TMEM74: variants seen among roughly 807,000 people sequenced by gnomAD.
TMEM74 encodes transmembrane protein 74.
In TMEM74, 13 loss-of-function variants were observed where a neutral mutation model predicts 18.1. The observed-to-expected ratio is 0.72, with a 90% CI of 0.47 to 1.14. TMEM74 has a LOEUF of 1.14. TMEM74 is among the 50% of genes most tolerant of loss of function. The pLI is 0.00. For missense variants in TMEM74, 372 were observed against 375.9 expected, an observed-to-expected ratio of 0.99 and a Z score of 0.09; for synonymous variants, 159 against 146.6, an observed-to-expected ratio of 1.08 and a Z score of -0.61.
At chr8:108,632,116 C>T (rs1443103976) in intron 2 of TMEM74, among the ~76,000 whole-genome samples, 2 of 151,892 alleles carry the variant, frequency 1.3e-5, no homozygotes, top group East Asian at 1.9e-4. Flanking sequence ...TAAGAATGCA[C>T]AGGAAGGACG....
At chr8:108,727,785 G>GT (rs1160707622) in intron 1 of TMEM74, among the ~76,000 whole-genome samples, 4 of 152,188 alleles carry the variant, frequency 2.6e-5, no homozygotes, top group Non-Finnish European at 5.9e-5. Flanking sequence ...GGACCAAAGA[G>GT]TAAGCCTTGG....
At chr8:108,637,523 G>T (rs1291075013) in intron 2 of TMEM74, among the ~76,000 whole-genome samples, 1 of 152,052 alleles carries the variant, frequency 6.6e-6, no homozygotes, top group Non-Finnish European at 1.5e-5. Flanking sequence ...AGAAAGGTCA[G>T]AATCAAAGGA....
At chr8:108,695,384 T>C (rs966634807) in intron 1 of TMEM74, among the ~76,000 whole-genome samples, 3 of 152,238 alleles carry the variant, frequency 2.0e-5, no homozygotes, top group Non-Finnish European at 2.9e-5. Context: ...CTTGGGTACT[T>C]ACCTTGCCTA....
intron 1 of TMEM74, among the ~76,000 whole-genome samples, chr8:108,715,901 A>G (rs1210602967): frequency 6.6e-6 from 1 of 152,116 alleles, no homozygotes; most frequent in Admixed American, 6.6e-5. Context: ...AGCAGACAAT[A>G]TAGAATTTGA....
chr8:108,743,331 T>G (rs1463551409), intron 1 of TMEM74, among the ~76,000 whole-genome samples: 1 of 152,200 alleles, frequency 6.6e-6, no homozygotes, highest in East Asian at 1.9e-4. Flanking sequence ...CTCAACTCTC[T>G]CTTTTGTATA....
chr8:108,739,536 C>T (rs896942816), intron 1 of TMEM74, among the ~76,000 whole-genome samples: 1 of 152,150 alleles, frequency 6.6e-6, no homozygotes, highest in Non-Finnish European at 1.5e-5. Context: ...TTGTTTTAAT[C>T]ATTTATTGCA....
intron 1 of TMEM74, among the ~76,000 whole-genome samples, chr8:108,748,041 T>C (rs1343908116): frequency 6.6e-6 from 1 of 152,176 alleles, no homozygotes; most frequent in Non-Finnish European, 1.5e-5. Flanking sequence ...CATCTGTCTT[T>C]ATAGTAGAAG....
intron 1 of TMEM74, among the ~76,000 whole-genome samples, chr8:108,689,226 G>A (rs148849672): frequency 1.3e-5 from 2 of 152,284 alleles, no homozygotes; most frequent in African/African-American, 4.8e-5. Context: ...AGACTAGTAG[G>A]AAAGCTATAT....
chr8:108,780,822 G>A lies in TMEM74; in HGVS notation c.*3359C>T, dbSNP rs747742513. On this transcript the variant is annotated 3_prime_UTR_variant, in exon 2 of 2. Transcript: ENST00000297459. ...TCACCTACACAGTGGGGAGCATGAC[G>A]AAAAGCTGTTCTTTATATGAGGGGC... 6.6e-6 allele frequency among the ~76,000 whole-genome samples: 1 copy of A among 152,116 alleles called. No individual in the cohort carries two copies. Among genetic ancestry groups the A allele is most frequent in the African/African-American group, 2.4e-5 (1 of 41,438 alleles).
intron 2 of TMEM74, among the ~76,000 whole-genome samples, chr8:108,651,938 C>T (rs1812778743): frequency 6.7e-6 from 1 of 148,920 alleles, no homozygotes; most frequent in Non-Finnish European, 1.5e-5. Flanking sequence ...GACCATGTGT[C>T]GCTAAAAAAA....
intron 2 of TMEM74, among the ~76,000 whole-genome samples, chr8:108,620,002 C>T (rs1812423533): frequency 6.6e-6 from 1 of 152,072 alleles, no homozygotes; most frequent in Non-Finnish European, 1.5e-5. Flanking sequence ...TCTTCTTCCT[C>T]CTCCTTCTCT....
intron 2 of TMEM74, among the ~76,000 whole-genome samples, chr8:108,614,270 C>A (rs1284897100): frequency 6.6e-6 from 1 of 151,906 alleles, no homozygotes; most frequent in Admixed American, 6.6e-5. Flanking sequence ...ATGCTTTAGC[C>A]CAAACTAAAG....
At chr8:108,687,268 C>A (rs1265533150) in intron 1 of TMEM74, among the ~76,000 whole-genome samples, 2 of 151,974 alleles carry the variant, frequency 1.3e-5, no homozygotes, top group Non-Finnish European at 2.9e-5. Context: ...ACCCAAAAGC[C>A]ATTAAAAATG....
intron 1 of TMEM74, among the ~76,000 whole-genome samples, chr8:108,755,803 C>T (rs900668093): frequency 2.0e-5 from 3 of 151,916 alleles, no homozygotes; most frequent in South Asian, 2.1e-4. Context: ...TCAGAGTAGA[C>T]ATTGGATATT....
At chr8:108,613,331 C>A (rs962379773) in intron 2 of TMEM74, among the ~76,000 whole-genome samples, 6 of 152,202 alleles carry the variant, frequency 3.9e-5, no homozygotes, top group Admixed American at 2.0e-4. Flanking sequence ...ACTCACCCTG[C>A]CAAACCTCTG....
At chr8:108,681,891 C>T (rs1813118918) in intron 1 of TMEM74, among the ~76,000 whole-genome samples, 2 of 152,294 alleles carry the variant, frequency 1.3e-5, no homozygotes, top group South Asian at 4.1e-4. Context: ...GGAAATGCTT[C>T]AAATCAGAAT....
intron 1 of TMEM74, among the ~76,000 whole-genome samples, chr8:108,739,308 C>A (rs1203825741): frequency 6.6e-6 from 1 of 152,086 alleles, no homozygotes; most frequent in Non-Finnish European, 1.5e-5. Context: ...AGTGGGGGCA[C>A]TGGGCAATAC....
intron 1 of TMEM74, among the ~76,000 whole-genome samples, chr8:108,655,981 C>A (rs1249467100): frequency 1.3e-5 from 2 of 152,096 alleles, no homozygotes; most frequent in Non-Finnish European, 2.9e-5. Flanking sequence ...GTGGCTCATG[C>A]CTATAATCCC....
Position 108,782,111 on chromosome 8 carries a change from C to T in TMEM74, c.*2070G>A, listed in dbSNP as rs1043174340. Among the ~76,000 whole-genome samples, 2 of 152,006 alleles carry T rather than the reference C, an allele frequency of 1.3e-5. No individual in the cohort carries two copies. Among genetic ancestry groups the T allele is most frequent in the Admixed American group, 6.6e-5 (1 of 15,264 alleles). ...TTTAATGCCTTCTTTTTTTAACACA[C>T]AGCTCAGACCTACTCACTCAGCAGA... On this transcript the variant is annotated 3_prime_UTR_variant, in exon 2 of 2. Coordinates refer to ENST00000297459, the MANE Select transcript of TMEM74 (RefSeq NM_153015.3).
Sources: gnomAD v4.1 joint callset for allele counts (sites outside exome capture counted in the v4.1 genomes callset) on GRCh38, gnomAD v4.1.1 for gene constraint, MANE v1.5 for transcripts, NCBI Gene and HGNC (gene_info 2026-07-23, HGNC 2026-07-21) for gene names.